The following CHD7 variants were observed in gnomAD, a reference collection of about 807,000 sequenced individuals.
The protein encoded by CHD7 is ATP-dependent chromatin remodeler CHD7.
Under a neutral mutation model 307.3 loss-of-function variants are expected in CHD7, and 24 were observed. The observed-to-expected ratio is 0.08, with a 90% confidence interval of 0.06 to 0.11. The LOEUF (loss-of-function observed/expected upper bound fraction) is 0.11. Among genes scored for constraint, CHD7 ranks in the 10% least tolerant of loss-of-function variants. The probability of loss-of-function intolerance (pLI) is 1.00; values close to 1 mark genes in which losing one functional copy is unlikely to be tolerated. For synonymous variants in CHD7, 1,363 were observed against 1,349.9 expected (o/e 1.01, Z -0.21); for missense variants, 3,106 against 3,727.1 (o/e 0.83, Z 4.34).
chr8:60,775,000 A>T (rs1333178807), intron 2 of CHD7, among the ~76,000 whole-genome samples: 1 of 151,902 alleles, frequency 6.6e-6, no homozygotes, highest in East Asian at 1.9e-4. Flanking sequence ...CATTATTTCC[A>T]TTGTTTCAGA....
chr8:60,846,511 A>G (rs1267284127), intron 23 of CHD7, among the ~76,000 whole-genome samples: 1 of 152,246 alleles, frequency 6.6e-6, no homozygotes, highest in African/African-American at 2.4e-5. Flanking sequence ...TCAGGCAACA[A>G]TGCTACTGAT....
At chr8:60,856,249 A>G in intron 33 of CHD7, 47 bp downstream of exon 33, 2 of 1,439,314 alleles carry the variant, frequency 1.4e-6, no homozygotes, top group Non-Finnish European at 1.9e-6. Context: ...GAGCTCTCTA[A>G]GCCTTAACTG....
At chr8:60,762,692 T>C (rs1186230292) in intron 2 of CHD7, among the ~76,000 whole-genome samples, 1 of 152,240 alleles carries the variant, frequency 6.6e-6, no homozygotes. Context: ...CTGTTTTTGC[T>C]AGTATACTCT....
In CHD7 at chr8:60,848,491, T is replaced by C. The variant is rs537296703; in HGVS notation, c.5211-24T>C. 150 of 1,582,124 alleles carry C rather than the reference T, an allele frequency of 9.5e-5. 4 individuals are homozygous for C. The Admixed American group carries it at 1.5e-3, about 16-fold the overall frequency. ...AACAGTCCTGAAGTTAAGAACTTTT[T>C]CCCCCCTCTGTCTTCCTCTCCAGGG... On this transcript the variant is annotated intron_variant, in intron 23 of 37. Transcript: ENST00000423902.
chr8:60,794,935 A>C, intron 3 of CHD7, 51 bp from the exon 4 acceptor site: 1 of 1,522,064 alleles, frequency 6.6e-7, no homozygotes, highest in South Asian at 1.2e-5. Flanking sequence ...TATAAGAGAC[A>C]TGCAGAAACA....
At position 60,865,136 on chromosome 8, in the gene CHD7, G is replaced by GCTGCTGTGGCCTCCA. The variant is rs1431059889; in HGVS notation, c.8199_8213dup (p.Ala2734_Thr2738dup). The GCTGCTGTGGCCTCCA allele has an allele frequency of 3.1e-6, 5 of 1,611,450 alleles. No homozygotes were observed. The highest frequency in any genetic ancestry group is 4.2e-6 in the Non-Finnish European group (5 of 1,178,992). On this transcript the variant is annotated inframe_insertion, in exon 38 of 38. Transcript: ENST00000423902. This position sits in a 1 kb window ranked among gnomAD's most constrained non-coding sequence, Gnocchi z 4.3. ...GATCGCCAGAGCAGCCGCGGCCGCC[G>GCTGCTGTGGCCTCCA]CTGCTGTGGCCTCCACGTCAGGGAT...
chr8:60,715,044 G>C (rs933612346), intron 1 of CHD7, among the ~76,000 whole-genome samples: 1 of 152,162 alleles, frequency 6.6e-6, no homozygotes, highest in Admixed American at 6.5e-5. Context: ...TGTGTTGGTG[G>C]GATTGCTCAA....
chr8:60,751,456 G>A (rs894442663), intron 2 of CHD7, among the ~76,000 whole-genome samples: 4 of 152,224 alleles, frequency 2.6e-5, no homozygotes, highest in African/African-American at 9.6e-5. Context: ...GAACAGCATT[G>A]TGAGAACTAA....
At chr8:60,685,636 G>A (rs1247798442) in intron 1 of CHD7, among the ~76,000 whole-genome samples, 2 of 152,202 alleles carry the variant, frequency 1.3e-5, no homozygotes, top group African/African-American at 4.8e-5. Context: ...TTAAATAAAT[G>A]TGGAGAAGAA....
Position 60,797,893 on chromosome 8 carries a change from T to C in CHD7, c.2239-2495T>C, listed in dbSNP as rs531391884. On this transcript the variant is annotated intron_variant, in intron 4 of 37. Coordinates refer to ENST00000423902, the MANE Select transcript of CHD7 (RefSeq NM_017780.4). Reference sequence around the variant, plus strand: ...GTACAAGGTAACTGGGCCATTTTTCTTTGGAAAGCTGGAGCTGATTAATGA... The same window carrying C: ...GTACAAGGTAACTGGGCCATTTTTCCTTGGAAAGCTGGAGCTGATTAATGA... Among the ~76,000 whole-genome samples, 3 of 152,338 alleles carry C rather than the reference T, an allele frequency of 2.0e-5. No individual in the cohort carries two copies. In the South Asian group the frequency reaches 6.2e-4, roughly 32 times the overall value.
At chr8:60,707,311 A>G (rs953053529) in intron 1 of CHD7, among the ~76,000 whole-genome samples, 1 of 152,218 alleles carries the variant, frequency 6.6e-6, no homozygotes, top group African/African-American at 2.4e-5. Context: ...GTGATCCTCT[A>G]CATCCAGCAG....
In CHD7 at chr8:60,853,519, C is replaced by T. The variant is rs764005520; in HGVS notation, c.6775+19C>T. ...CCCGAAGGTAAGGCCTTACCACTGG[C>T]CCCTCTCCTGACCCTGCAGCAGCTG... On this transcript the variant is annotated intron_variant, in intron 31 of 37. Coordinates refer to ENST00000423902, the MANE Select transcript of CHD7 (RefSeq NM_017780.4). The T allele has an allele frequency of 2.7e-6, 4 of 1,496,380 alleles. No individual in the cohort carries two copies. The highest frequency in any genetic ancestry group is 2.7e-6 in the Non-Finnish European group (3 of 1,123,272). The allele number at this position is 1,496,380 out of a possible 1,614,324, so 92.7% of individuals were successfully genotyped here.
intron 34 of CHD7, among the ~76,000 whole-genome samples, chr8:60,857,420 A>T (rs756688568): frequency 4.6e-5 from 7 of 152,226 alleles, no homozygotes; most frequent in Non-Finnish European, 8.8e-5. Flanking sequence ...CTCAGTTCAG[A>T]GGAAATAAAT....
rs991352961 is a variant in CHD7 at position 60,686,691 on chromosome 8, G to A, written c.-175+7609G>A. 6.6e-4 allele frequency among the ~76,000 whole-genome samples: 101 copies of A among 152,124 alleles called. 7 individuals carry two copies. The highest frequency in any genetic ancestry group is 2.9e-5 in the Non-Finnish European group (2 of 68,026). On this transcript the variant is annotated intron_variant, in intron 1 of 37. Coordinates refer to ENST00000423902, the MANE Select transcript of CHD7 (RefSeq NM_017780.4). The stretch of plus-strand genomic sequence containing the variant: ...GGTTTCCACACCCACCCTTTGTGTA[G>A]GGAAAGGTGTGCAATTAGACACATG...
chr8:60,683,508 T>C (rs985867709), intron 1 of CHD7, among the ~76,000 whole-genome samples: 25 of 152,262 alleles, frequency 1.6e-4, no homozygotes, highest in African/African-American at 6.0e-4. Flanking sequence ...AAAGAAGAAA[T>C]AGAAACAGGA....
intron 1 of CHD7, among the ~76,000 whole-genome samples, chr8:60,703,412 G>T (rs551268605): frequency 2.6e-5 from 4 of 152,226 alleles, no homozygotes; most frequent in Non-Finnish European, 4.4e-5. Flanking sequence ...AAAATTCATC[G>T]CTTTCTCTTC....
chr8:60,817,821 C>A (rs112183251), intron 8 of CHD7, among the ~76,000 whole-genome samples: 5 of 152,236 alleles, frequency 3.3e-5, no homozygotes, highest in African/African-American at 9.6e-5. Context: ...CATTAGCCTC[C>A]TTTTAGAAAG....
chr8:60,840,991 T>C (rs1353487192), intron 19 of CHD7, among the ~76,000 whole-genome samples: 1 of 152,254 alleles, frequency 6.6e-6, no homozygotes, highest in Non-Finnish European at 1.5e-5. Flanking sequence ...CAGTGGCTTC[T>C]TCTGCTGTGT....
intron 2 of CHD7, among the ~76,000 whole-genome samples, chr8:60,767,979 T>C (rs748989726): frequency 4.6e-5 from 7 of 152,244 alleles, no homozygotes; most frequent in Non-Finnish European, 7.3e-5. Flanking sequence ...ATTATAGGTA[T>C]GTTGTTCTGA....
Sources: gnomAD v4.1 joint callset for allele counts (sites outside exome capture counted in the v4.1 genomes callset) on GRCh38, gnomAD v4.1.1 for gene constraint, Gnocchi (gnomAD v3.1) non-coding constraint, MANE v1.5 for transcripts, NCBI Gene and HGNC (gene_info 2026-07-23, HGNC 2026-07-21) for gene names.